Variants in UNC79 observed in about 807,000 individuals in gnomAD.
UNC79 encodes the protein unc-79 subunit of NALCN channel complex.
In UNC79, 37 loss-of-function variants were observed where a neutral mutation model predicts 283.1. The ratio of observed to expected loss-of-function variants is 0.13; its 90% confidence interval spans 0.10 to 0.17. The LOEUF is 0.17. Ranked by LOEUF, UNC79 falls within the 10% of genes least tolerant of loss-of-function variation. The pLI is 1.00. For missense variants in UNC79, 2,272 were observed against 3,211.1 expected, an observed-to-expected ratio of 0.71 and a Z score of 7.07; for synonymous variants, 1,107 against 1,200.2, an observed-to-expected ratio of 0.92 and a Z score of 1.61.
intron 1 of UNC79, among the ~76,000 whole-genome samples, chr14:93,384,494 G>T (rs1389167825): frequency 2.6e-5 from 4 of 152,162 alleles, no homozygotes; most frequent in Admixed American, 6.5e-5. Flanking sequence ...CCATTTGTAT[G>T]TTTTCTTTGG....
At chr14:93,479,172 TTTCCTTCCTTCCTTCCTTCCTTCCTTCC>T (rs140666949) in intron 4 of UNC79, among the ~76,000 whole-genome samples, 2 of 120,560 alleles carry the variant, frequency 1.7e-5, no homozygotes, top group Non-Finnish European at 3.5e-5. Context: ...GATGAGGCTG[TTTCCTTCCTTCCTTCCTTCCTTCCTTCC>T]TTCCTTCCTT....
At chr14:93,500,396 G>A (rs1191942329) in intron 7 of UNC79, among the ~76,000 whole-genome samples, 1 of 152,142 alleles carries the variant, frequency 6.6e-6, no homozygotes, top group Non-Finnish European at 1.5e-5. Context: ...AAGTACTGGG[G>A]AAGTAGCTCT....
chr14:93,649,325 G>A (rs8004877), intron 35 of UNC79, among the ~76,000 whole-genome samples: 148,882 of 152,304 alleles, frequency 0.98, 73,126 homozygotes, highest in Middle Eastern at 1. Context: ...ATTTTTTATG[G>A]AAGATTTTAA....
rs1395938685 is a variant in UNC79 at position 93,347,078 on chromosome 14, G to C, written c.-351+13555G>C. 8.9e-6 allele frequency: 5 copies of C among 561,540 alleles called. No homozygotes were observed. In the African/African-American group the frequency reaches 9.9e-5, roughly 11 times the overall value. 34.8% of individuals were successfully genotyped at this position (561,540 alleles called of 1,614,324 possible). ...GAAAGGGCAGTACAGAGAAAGGAGT[G>C]GTGAGCGGAAGAGGCGGGGCAGAGC... is the stretch of plus-strand genomic sequence containing the variant. On this transcript the variant is annotated intron_variant, in intron 1 of 49. Transcript: ENST00000256339.
chr14:93,449,263 C>T (rs867780280), intron 1 of UNC79, among the ~76,000 whole-genome samples: 2 of 152,254 alleles, frequency 1.3e-5, no homozygotes, highest in Middle Eastern at 6.8e-3. Context: ...TTCCAGAATC[C>T]TCCTCTTTTA....
Position 93,474,519 on chromosome 14 carries a change from A to C in UNC79, c.448+126A>C. 1 of 1,098,200 alleles carries C rather than the reference A, an allele frequency of 9.1e-7. No individual in the cohort carries two copies. Among genetic ancestry groups the C allele is most frequent in the Non-Finnish European group, 1.3e-6 (1 of 789,514 alleles). The allele number at this position is 1,098,200 out of a possible 1,614,324, so 68.0% of individuals were successfully genotyped here. A position where few individuals can be genotyped will look rare whatever the true frequency, so the allele number is the denominator to read the frequency against. On this transcript the variant is annotated intron_variant, in intron 3 of 48. Transcript: ENST00000555664. The surrounding 1 kb of genome is among the most constrained non-coding windows in gnomAD (Gnocchi z 4.1). The stretch of plus-strand genomic sequence containing the variant: ...ACCTGAAAGGGCTTTGTGTGGCTAG[A>C]AGCACTACACTGAAACTTCATTATG...
At position 93,617,388 on chromosome 14, in the gene UNC79, T is replaced by C. The variant is rs938185951; in HGVS notation, c.4224+84T>C. On this transcript the variant is annotated intron_variant, in intron 28 of 48. Transcript: ENST00000555664. This position sits in a 1 kb window ranked among gnomAD's most constrained non-coding sequence, Gnocchi z 4.5. ...ATTAGGAGAACACCTGAGTCTTTAGTTGAAAATTTTGTAGAAGTTTGACCT... is the reference window on the plus strand; with the variant it reads ...ATTAGGAGAACACCTGAGTCTTTAGCTGAAAATTTTGTAGAAGTTTGACCT... 7 of 1,410,590 alleles carry C rather than the reference T, an allele frequency of 5.0e-6. No individual in the cohort carries two copies. The highest frequency in any genetic ancestry group is 2.4e-5 in the East Asian group (1 of 41,814). 87.4% of individuals were successfully genotyped at this position (1,410,590 alleles called of 1,614,324 possible). A position where few individuals can be genotyped will look rare whatever the true frequency, so the allele number is the denominator to read the frequency against.
At chr14:93,653,794 A>G (rs2140342632) in exon 36 of UNC79, 2 of 1,613,920 alleles carry the variant, frequency 1.2e-6, no homozygotes, top group Non-Finnish European at 1.7e-6. Flanking sequence ...CCTGCGCTGC[A>G]TCTTCCATCA....
chr14:93,653,753 C>A, exon 36 of UNC79: 3 of 1,613,146 alleles, frequency 1.9e-6, no homozygotes, highest in Non-Finnish European at 2.5e-6. Flanking sequence ...ATGATGGTTC[C>A]CGGCAATGCG....
chr14:93,654,104 G>A, intron 37 of UNC79, 79 bp downstream of exon 40: 1 of 1,224,868 alleles, frequency 8.2e-7, no homozygotes. Flanking sequence ...GTTTCTTTGA[G>A]TCACACCATA....
intron 40 of UNC79, among the ~76,000 whole-genome samples, chr14:93,671,201 G>T (rs7146630): frequency 0.075 from 11,448 of 152,116 alleles, 760 homozygotes; most frequent in African/African-American, 0.18. Flanking sequence ...ATATGCACAA[G>T]ATAACATTAC....
chr14:93,584,137 A>C (rs1051503920), intron 20 of UNC79, among the ~76,000 whole-genome samples: 1 of 152,206 alleles, frequency 6.6e-6, no homozygotes, highest in Non-Finnish European at 1.5e-5. Flanking sequence ...TTCTGCAAAC[A>C]GAATATTCTG....
chr14:93,535,242 A>C (rs1441674259), intron 11 of UNC79, among the ~76,000 whole-genome samples: 1 of 152,252 alleles, frequency 6.6e-6, no homozygotes, highest in African/African-American at 2.4e-5. Flanking sequence ...CTGAATCCAC[A>C]TGGGTTGAGG....
chr14:93,468,186 A>C (rs551914190), intron 2 of UNC79, among the ~76,000 whole-genome samples: 33 of 152,312 alleles, frequency 2.2e-4, no homozygotes, highest in Middle Eastern at 3.4e-3. Flanking sequence ...AGCATTTTCT[A>C]TTTCCCTAAG....
rs563097899 is a variant in UNC79, at chr14:93,607,679, C to T, written c.3754+4261C>T. ...CAGATTGGTCCAGAGCTATCCCCAT[C>T]TCTCGTGGGACTCGCGTACTCCAAG... On this transcript the variant is annotated intron_variant, in intron 26 of 48. Transcript: ENST00000555664. Among the ~76,000 whole-genome samples, 76 of 152,326 alleles carry T rather than the reference C, an allele frequency of 5.0e-4. 1 individual carries two copies. In the Middle Eastern group the frequency reaches 0.017, roughly 34 times the overall value.
At chr14:93,686,502 C>G (rs2074252297) in intron 42 of UNC79, 70 bp from the exon 46 acceptor site, 1 of 1,524,888 alleles carries the variant, frequency 6.6e-7, no homozygotes, top group African/African-American at 1.4e-5. Flanking sequence ...CAACGTGAAA[C>G]CAGAGTGAGG....
In UNC79 at chr14:93,516,717, G is replaced by A. The variant is rs955275505; in HGVS notation, c.899-7261G>A. 3.2e-4 allele frequency among the ~76,000 whole-genome samples: 48 copies of A among 152,004 alleles called. 1 individual carries two copies. The highest frequency in any genetic ancestry group is 2.4e-4 in the African/African-American group (10 of 41,384). On this transcript the variant is annotated intron_variant, in intron 7 of 48. Coordinates refer to ENST00000555664, the Ensembl canonical transcript of UNC79. Reference sequence around the variant, plus strand: ...CCTGCCTCAGCCTCCCAAAGTGCTGGGATTACAGGTGTGAGCCATTGCATC... The same window carrying A: ...CCTGCCTCAGCCTCCCAAAGTGCTGAGATTACAGGTGTGAGCCATTGCATC...
At chr14:93,564,536 C>G (rs1321382189) in intron 14 of UNC79, among the ~76,000 whole-genome samples, 1 of 152,188 alleles carries the variant, frequency 6.6e-6, no homozygotes. Flanking sequence ...ATTGATCTCC[C>G]AAGGGAGGTC....
At chr14:93,619,473 AT>A (rs1213121339) in intron 29 of UNC79, among the ~76,000 whole-genome samples, 1 of 152,192 alleles carries the variant, frequency 6.6e-6, no homozygotes, top group Non-Finnish European at 1.5e-5. Flanking sequence ...GAAAAACTGC[AT>A]TTTTCAAAGG....
Sources: gnomAD v4.1 joint callset for allele counts (sites outside exome capture counted in the v4.1 genomes callset) on GRCh38, gnomAD v4.1.1 for gene constraint, Gnocchi (gnomAD v3.1) non-coding constraint, MANE v1.5 for transcripts, NCBI Gene and HGNC (gene_info 2026-07-23, HGNC 2026-07-21) for gene names.